ZFPM2: variants seen among roughly 807,000 people sequenced by gnomAD.
The protein encoded by ZFPM2 is zinc finger protein ZFPM2.
ZFPM2 carries 20 observed loss-of-function variants against 98.6 expected under a neutral mutation model. The observed-to-expected ratio is 0.20, with a 90% CI of 0.14 to 0.29. ZFPM2 has a LOEUF of 0.29. Among genes scored for constraint, ZFPM2 ranks in the 10% least tolerant of loss-of-function variants. ZFPM2 has a pLI of 1.00. For synonymous variants in ZFPM2, 518 were observed against 502.7 expected, an observed-to-expected ratio of 1.03 and a Z score of -0.41; for missense variants, 1,310 against 1,388.6, an observed-to-expected ratio of 0.94 and a Z score of 0.90.
At chr8:105,484,111 T>A (rs1371898794) in intron 3 of ZFPM2, among the ~76,000 whole-genome samples, 1 of 152,148 alleles carries the variant, frequency 6.6e-6, no homozygotes, top group East Asian at 1.9e-4. Context: ...GTGGCTTTAT[T>A]TTTTATCTTT....
chr8:105,753,560 A>G (rs1812524333), intron 5 of ZFPM2, among the ~76,000 whole-genome samples: 1 of 152,174 alleles, frequency 6.6e-6, no homozygotes, highest in Admixed American at 6.5e-5. Context: ...AGAAAATTGC[A>G]TTTCTAAAAT....
intron 3 of ZFPM2, among the ~76,000 whole-genome samples, chr8:105,547,542 C>CAAAAAAAAAA (rs148322534): frequency 2.1e-4 from 10 of 47,188 alleles, no homozygotes; most frequent in African/African-American, 6.0e-4. Context: ...AACTCCATCT[C>CAAAAAAAAAA]AAAAAAAAAA....
At chr8:105,682,199 A>T (rs13273249) in intron 5 of ZFPM2, among the ~76,000 whole-genome samples, 19,717 of 152,140 alleles carry the variant, frequency 0.13, 1,259 homozygotes, top group Middle Eastern at 0.18. Context: ...TCATGAGGAA[A>T]CACAAAGCCA....
intron 1 of ZFPM2, among the ~76,000 whole-genome samples, chr8:105,351,139 C>T (rs182262543): frequency 2.8e-5 from 4 of 145,116 alleles, no homozygotes; most frequent in African/African-American, 7.8e-5. Flanking sequence ...GCCGAGATCA[C>T]ACGATTGCAC....
At chr8:105,518,997 T>C (rs551941577) in intron 3 of ZFPM2, among the ~76,000 whole-genome samples, 45 of 152,302 alleles carry the variant, frequency 3.0e-4, no homozygotes, top group African/African-American at 1.1e-3. Flanking sequence ...ATAATAAATA[T>C]AGCCAACATA....
At chr8:105,424,845 GGAGAGA>G (rs1036351546) in intron 2 of ZFPM2, among the ~76,000 whole-genome samples, 20 of 152,004 alleles carry the variant, frequency 1.3e-4, no homozygotes, top group Non-Finnish European at 2.1e-4. Context: ...ACTCTCAGGA[GGAGAGA>G]GAGAGAGGCA....
chr8:105,656,747 A>G (rs942236341), intron 5 of ZFPM2, among the ~76,000 whole-genome samples: 3 of 152,250 alleles, frequency 2.0e-5, no homozygotes, highest in African/African-American at 7.2e-5. Context: ...AGATGCTAAC[A>G]GAACTTTAGA....
intron 3 of ZFPM2, among the ~76,000 whole-genome samples, chr8:105,478,208 G>A (rs1813049685): frequency 6.6e-6 from 1 of 152,182 alleles, no homozygotes; most frequent in African/African-American, 2.4e-5. Flanking sequence ...GATACTTTCT[G>A]AATGTGTGGT....
intron 3 of ZFPM2, among the ~76,000 whole-genome samples, chr8:105,520,631 A>G (rs1814032621): frequency 6.6e-6 from 1 of 151,932 alleles, no homozygotes; most frequent in Admixed American, 6.6e-5. Context: ...ATAGGAGCAG[A>G]TGGTTGATTG....
At chr8:105,421,959 A>G (rs1563651229) in intron 2 of ZFPM2, among the ~76,000 whole-genome samples, 1 of 143,836 alleles carries the variant, frequency 7.0e-6, no homozygotes, top group Non-Finnish European at 1.5e-5. Flanking sequence ...AGACAGGAGA[A>G]TTGCTTGAAC....
chr8:105,472,896 T>A (rs1275754466), intron 3 of ZFPM2, among the ~76,000 whole-genome samples: 1 of 149,646 alleles, frequency 6.7e-6, no homozygotes, highest in Non-Finnish European at 1.5e-5. Context: ...GACCTTTTTT[T>A]TTTTTTTTTT....
rs372128843 is a variant in ZFPM2, at chr8:105,576,294, TC to T, written c.420+14815del. On this transcript the variant is annotated intron_variant, in intron 4 of 7. Transcript: ENST00000407775. Reference sequence around the variant, plus strand: ...CTGAGATTTTTTTTTTAACTATTCCTCCTACTATTGGCCTGGTGTCTTATGA... The same window carrying T: ...CTGAGATTTTTTTTTTAACTATTCCTCTACTATTGGCCTGGTGTCTTATGA... Among the ~76,000 whole-genome samples the T allele has an allele frequency of 1.1e-3, 161 of 152,228 alleles. 3 individuals carry two copies. In the South Asian group the frequency reaches 0.022, roughly 21 times the overall value.
intron 4 of ZFPM2, among the ~76,000 whole-genome samples, chr8:105,605,899 G>A (rs931645469): frequency 6.6e-6 from 1 of 152,020 alleles, no homozygotes; most frequent in African/African-American, 2.4e-5. Flanking sequence ...CTTCCCATGA[G>A]CTCTTCGTTT....
At chr8:105,548,437 T>C (rs1736022042) in intron 3 of ZFPM2, among the ~76,000 whole-genome samples, 1 of 152,156 alleles carries the variant, frequency 6.6e-6, no homozygotes, top group Admixed American at 6.5e-5. Context: ...CAGAAACTCT[T>C]ACCATCAGTT....
intron 5 of ZFPM2, among the ~76,000 whole-genome samples, chr8:105,767,047 ACTAT>A (rs1231269760): frequency 1.3e-5 from 2 of 152,040 alleles, no homozygotes; most frequent in Admixed American, 6.6e-5. Flanking sequence ...CAACAGAGTA[ACTAT>A]CTACAGGAAT....
At chr8:105,429,391 C>T (rs1319972846) in intron 2 of ZFPM2, among the ~76,000 whole-genome samples, 2 of 149,400 alleles carry the variant, frequency 1.3e-5, no homozygotes, top group African/African-American at 5.1e-5. Context: ...ATACAGTGAC[C>T]TAAGAAGGAG....
chr8:105,375,703 A>T (rs968468182), intron 1 of ZFPM2, among the ~76,000 whole-genome samples: 1 of 152,172 alleles, frequency 6.6e-6, no homozygotes, highest in African/African-American at 2.4e-5. Flanking sequence ...TTCTTATATC[A>T]TTTATCAGTG....
chr8:105,772,916 A>T (rs2131094249), intron 5 of ZFPM2, among the ~76,000 whole-genome samples: 1 of 152,206 alleles, frequency 6.6e-6, no homozygotes, highest in African/African-American at 2.4e-5. Context: ...ATGCTTTGTT[A>T]TCTTGACATG....
rs73300103 is a variant in ZFPM2, at chr8:105,375,852, T to G, written c.41-43292T>G. 5.8e-3 allele frequency among the ~76,000 whole-genome samples: 882 copies of G among 152,288 alleles called. 8 individuals are homozygous for G. The highest frequency in any genetic ancestry group is 0.02 in the African/African-American group (817 of 41,564). ...AGGGTTTGCTGTGGTTTATCTGTTC[T>G]TTCTTCTGCAACATTTCCCTGTAAA... On this transcript the variant is annotated intron_variant, in intron 1 of 7. Transcript: ENST00000407775.
Sources: allele counts gnomAD v4.1 joint callset (sites outside exome capture counted in the v4.1 genomes callset), GRCh38; gene constraint gnomAD v4.1.1; transcripts MANE v1.5; gene names NCBI Gene and HGNC (gene_info 2026-07-23, HGNC 2026-07-21).